The following PHF14 variants were observed in gnomAD, a reference collection of about 807,000 sequenced individuals.
PHF14 encodes PHD finger protein 14.
Under a neutral mutation model 117.9 loss-of-function variants are expected in PHF14, and 55 were observed. The ratio of observed to expected loss-of-function variants is 0.47; its 90% CI spans 0.38 to 0.58. The LOEUF (loss-of-function observed/expected upper bound fraction) is 0.58. PHF14 is among the 20% of genes least tolerant of loss of function. The pLI, the probability that PHF14 is intolerant of heterozygous loss-of-function variation, is 0.00. For missense variants in PHF14, 978 were observed against 1,122.2 expected, an observed-to-expected ratio of 0.87 and a Z score of 1.84; for synonymous variants, 409 against 368.6, an observed-to-expected ratio of 1.11 and a Z score of -1.26.
At chr7:11,042,488 T>G (rs559823480) in intron 12 of PHF14, among the ~76,000 whole-genome samples, 195 bp from the exon 13 acceptor site, 10 of 152,100 alleles carry the variant, frequency 6.6e-5, no homozygotes, top group African/African-American at 2.4e-4. Context: ...ATTTTTAACA[T>G]TCTCAAAAGT....
intron 4 of PHF14, among the ~76,000 whole-genome samples, chr7:10,994,593 T>A (rs189372464): frequency 6.6e-6 from 1 of 152,260 alleles, no homozygotes; most frequent in Admixed American, 6.5e-5. Flanking sequence ...GTACTGATTT[T>A]AGATTTTATT....
At chr7:11,057,282 A>G (rs117054218) in intron 14 of PHF14, among the ~76,000 whole-genome samples, 2,343 of 152,348 alleles carry the variant, frequency 0.015, 22 homozygotes, top group Non-Finnish European at 0.025. Context: ...GAATTAATTA[A>G]AATACATTAC....
chr7:11,010,635 C>CAT (rs909176524), intron 4 of PHF14, among the ~76,000 whole-genome samples: 10 of 151,500 alleles, frequency 6.6e-5, no homozygotes, highest in South Asian at 2.1e-4. Context: ...TCCATATATA[C>CAT]ATATATATAT....
chr7:10,995,503 G>T (rs565898748), intron 4 of PHF14, among the ~76,000 whole-genome samples: 274 of 152,282 alleles, frequency 1.8e-3, no homozygotes, highest in Non-Finnish European at 3.0e-3. Flanking sequence ...AGTGGATCCC[G>T]CACCAGGGCC....
At chr7:11,154,494 A>G (rs1583507916) in intron 17 of PHF14, among the ~76,000 whole-genome samples, 2 of 152,248 alleles carry the variant, frequency 1.3e-5, no homozygotes, top group East Asian at 3.9e-4. Context: ...AATTTAATAA[A>G]CTATATTTGT....
intron 17 of PHF14, among the ~76,000 whole-genome samples, chr7:11,154,499 A>G (rs774865881): frequency 6.6e-6 from 1 of 152,114 alleles, no homozygotes; most frequent in Non-Finnish European, 1.5e-5. Flanking sequence ...AATAAACTAT[A>G]TTTGTCTAAT....
intron 3 of PHF14, 72 bp from the exon 4 acceptor site, chr7:10,990,627 TAAAG>T: frequency 2.3e-6 from 2 of 856,310 alleles, no homozygotes; most frequent in Non-Finnish European, 3.6e-6. Context: ...GTTTAAGTAA[TAAAG>T]AATTTTAGTG....
At chr7:11,132,726 A>G (rs1031077192) in intron 17 of PHF14, among the ~76,000 whole-genome samples, 34 of 151,854 alleles carry the variant, frequency 2.2e-4, no homozygotes, top group Non-Finnish European at 1.3e-4. Flanking sequence ...CTAACAGTGT[A>G]CATGAGTTCC....
In PHF14 at chr7:11,051,747, A is replaced by G. The variant is rs1404132767; in HGVS notation, c.2448A>G (p.Pro816=). ...TGAAATTTGTTCCACAGGATGTGCCACCAGAACCCAAGAAGATTCCGATAA... is the reference window on the plus strand; with the variant it reads ...TGAAATTTGTTCCACAGGATGTGCCGCCAGAACCCAAGAAGATTCCGATAA... ...EPVKFVPQDV[P]PEPKKIPIRN... Residue 816 remains proline (P), a synonymous_variant, in exon 14 of 18, where the codon CCA becomes CCG. Transcript: ENST00000634607. The G allele has an allele frequency of 1.2e-6, 2 of 1,613,506 alleles. No homozygotes were observed. The highest frequency in any genetic ancestry group is 2.2e-5 in the East Asian group (1 of 44,868).
chr7:11,008,146 G>A (rs1783191535), intron 4 of PHF14, among the ~76,000 whole-genome samples: 1 of 152,160 alleles, frequency 6.6e-6, no homozygotes, highest in African/African-American at 2.4e-5. Flanking sequence ...CTCAGGTTTA[G>A]TTGCTATTCA....
At chr7:11,097,280 G>C (rs994956908) in intron 16 of PHF14, among the ~76,000 whole-genome samples, 1 of 152,038 alleles carries the variant, frequency 6.6e-6, no homozygotes, top group Non-Finnish European at 1.5e-5. Flanking sequence ...TGCCCAGCCA[G>C]GACTAGAACT....
chr7:11,005,825 G>A (rs1236939014), intron 4 of PHF14, among the ~76,000 whole-genome samples: 12 of 114,708 alleles, frequency 1.0e-4, no homozygotes, highest in Admixed American at 5.0e-4. Context: ...ACGGAGTCTC[G>A]TTCTTTCACC....
intron 14 of PHF14, among the ~76,000 whole-genome samples, chr7:11,052,981 A>T (rs1254226370): frequency 6.6e-6 from 1 of 152,068 alleles, no homozygotes; most frequent in Non-Finnish European, 1.5e-5. Context: ...TAAATTTCAA[A>T]CCTTTAAGTG....
At chr7:10,998,083 T>G (rs987123422) in intron 4 of PHF14, among the ~76,000 whole-genome samples, 3 of 151,812 alleles carry the variant, frequency 2.0e-5, no homozygotes, top group African/African-American at 7.3e-5. Flanking sequence ...AGGAAAATAG[T>G]GAGGAAAGAA....
intron 6 of PHF14, among the ~76,000 whole-genome samples, chr7:11,026,109 CAA>C (rs142566001): frequency 2.3e-3 from 127 of 55,654 alleles, no homozygotes; most frequent in East Asian, 0.019. Context: ...GAGACTCCAT[CAA>C]AAAAAAAAAA....
chr7:11,000,614 C>T (rs1782831496), intron 4 of PHF14, among the ~76,000 whole-genome samples: 1 of 152,286 alleles, frequency 6.6e-6, no homozygotes, highest in Non-Finnish European at 1.5e-5. Flanking sequence ...GCTGGGATTA[C>T]AGGCGTGAGC....
In PHF14 at chr7:11,036,995, G is replaced by A. The variant is rs1784340197; in HGVS notation, c.1884G>A (p.Met628Ile). The change falls in exon 10 of 18, where the codon ATG becomes ATA. Residue 628 changes from methionine (M) to isoleucine (I), a missense_variant. Coordinates refer to ENST00000634607, the MANE Select transcript of PHF14 (RefSeq NM_001007157.2). ...ATTTCATTTAAATAGAGAGAAATAT[G>A]CGCATGATTCAAATTCAGGAAAATA... Reference protein sequence around the residue: ...DFVNYYFERNMRMIQIQENMA... With the variant: ...DFVNYYFERNIRMIQIQENMA... 2 of 1,499,824 alleles carry A rather than the reference G, an allele frequency of 1.3e-6. No homozygotes were observed. Among genetic ancestry groups the A allele is most frequent in the Admixed American group, 2.0e-5 (1 of 49,736 alleles). The allele number at this position is 1,499,824 out of a possible 1,614,324, so 92.9% of individuals were successfully genotyped here.
chr7:11,090,097 G>A (rs1207045634), intron 16 of PHF14, among the ~76,000 whole-genome samples: 3 of 152,154 alleles, frequency 2.0e-5, no homozygotes, highest in East Asian at 1.9e-4. Flanking sequence ...ATGTGTGTAC[G>A]TGTGTCATTT....
chr7:11,092,897 A>C (rs1786696501), intron 16 of PHF14, among the ~76,000 whole-genome samples: 1 of 152,214 alleles, frequency 6.6e-6, no homozygotes, highest in African/African-American at 2.4e-5. Flanking sequence ...CACACCAGTT[A>C]AAGGGTGTTT....
Sources: gnomAD v4.1 joint callset for allele counts (sites outside exome capture counted in the v4.1 genomes callset) on GRCh38, gnomAD v4.1.1 for gene constraint, MANE v1.5 for transcripts, NCBI Gene and HGNC (gene_info 2026-07-23, HGNC 2026-07-21) for gene names.